OSBPL9: variants seen among roughly 807,000 people sequenced by gnomAD.
OSBPL9 encodes the protein oxysterol binding protein like 9.
Under a neutral mutation model 106.6 loss-of-function variants are expected in OSBPL9, and 40 were observed. The ratio of observed to expected loss-of-function variants is 0.38; its 90% CI spans 0.29 to 0.49. The LOEUF (loss-of-function observed/expected upper bound fraction) is 0.49, where lower values mean the gene tolerates loss of function less well. Among genes scored for constraint, OSBPL9 ranks in the 20% least tolerant of loss-of-function variants. The pLI is 0.97. For missense variants in OSBPL9, 609 were observed against 887.2 expected, an observed-to-expected ratio of 0.69 and a Z score of 3.98; for synonymous variants, 269 against 295.4, an observed-to-expected ratio of 0.91 and a Z score of 0.92.
the OSBPL9 span, among the ~76,000 whole-genome samples, chr1:51,554,206 A>T: frequency 6.6e-6 from 1 of 152,234 alleles, no homozygotes; most frequent in African/African-American, 2.4e-5. Flanking sequence ...AGAGGGAGAG[A>T]GAGAGAGAAA....
intron 2 of OSBPL9, among the ~76,000 whole-genome samples, chr1:51,666,104 T>A (rs1648438327): frequency 6.6e-6 from 1 of 152,128 alleles, no homozygotes. Context: ...CGCCTCGGCC[T>A]CCCAAAGGGC....
intron 18 of OSBPL9, 86 bp downstream of exon 18, chr1:51,784,111 A>G: frequency 7.1e-7 from 1 of 1,415,418 alleles, no homozygotes; most frequent in Non-Finnish European, 9.9e-7. Context: ...TTAGCAACTA[A>G]GCATTGGTAT....
At chr1:51,768,201 A>G (rs1673048674) in intron 12 of OSBPL9, among the ~76,000 whole-genome samples, 1 of 151,674 alleles carries the variant, frequency 6.6e-6, no homozygotes, top group Non-Finnish European at 1.5e-5. Flanking sequence ...TCGGCCTCCC[A>G]AAGTGCTGGG....
At chr1:51,732,013 T>C (rs537145133) in intron 4 of OSBPL9, among the ~76,000 whole-genome samples, 1 of 152,236 alleles carries the variant, frequency 6.6e-6, no homozygotes, top group Non-Finnish European at 1.5e-5. Flanking sequence ...ATATTTTTAA[T>C]GTGAAATTTT....
At chr1:51,710,949 CTT>C (rs2148882181) in intron 3 of OSBPL9, among the ~76,000 whole-genome samples, 1 of 152,020 alleles carries the variant, frequency 6.6e-6, no homozygotes, top group East Asian at 1.9e-4. Context: ...GCCATGCTCT[CTT>C]TTGTCTTCTT....
the OSBPL9 span, among the ~76,000 whole-genome samples, chr1:51,556,918 C>A: frequency 6.7e-6 from 1 of 149,250 alleles, no homozygotes; most frequent in African/African-American, 2.5e-5. Context: ...TGGCTATAGA[C>A]AACAGTAATT....
rs758760414 is a variant in OSBPL9, at chr1:51,602,018, C to CTTTTT, written c.-353+3841_-353+3845dup. 2.5e-3 allele frequency among the ~76,000 whole-genome samples: 188 copies of CTTTTT among 76,372 alleles called. 39 individuals are homozygous for CTTTTT. Among genetic ancestry groups the CTTTTT allele is most frequent in the African/African-American group, 9.8e-3 (188 of 19,180 alleles). 50.1% of individuals were successfully genotyped at this position (76,372 alleles called of 152,430 possible). ...AGTCAATTGTTCCATTCTTGGGGTT[C>CTTTTT]TTTTTTTTTTTTTTTTTTTTGAGAC... On this transcript the variant is annotated intron_variant, in intron 2 of 25. Transcript: ENST00000371714.
At position 51,748,335 on chromosome 1, in the gene OSBPL9, G is replaced by A. The variant is rs12058278; in HGVS notation, c.463-34G>A. 277 of 1,510,502 alleles carry A rather than the reference G, an allele frequency of 1.8e-4. No individual in the cohort carries two copies. In the African/African-American group the frequency reaches 3.4e-3, roughly 19 times the overall value. The allele number at this position is 1,510,502 out of a possible 1,614,324, so 93.6% of individuals were successfully genotyped here. A position where few individuals can be genotyped will look rare whatever the true frequency, so the allele number is the denominator to read the frequency against. On this transcript the variant is annotated intron_variant, in intron 6 of 23. Transcript: ENST00000428468. ...AATAACCGTCCTTCTTTGTGCTTCT[G>A]ATTATTTCTGTTTAAACTTATTATT...
chr1:51,699,896 A>G (rs995992120), intron 3 of OSBPL9, among the ~76,000 whole-genome samples: 9 of 152,188 alleles, frequency 5.9e-5, no homozygotes, highest in African/African-American at 2.2e-4. Flanking sequence ...ATTTATTTCC[A>G]TATGTATTTA....
At chr1:51,740,225 T>C in intron 4 of OSBPL9, 1 of 1,534,138 alleles carries the variant, frequency 6.5e-7, no homozygotes, top group African/African-American at 1.4e-5. Flanking sequence ...AGTGATTGAA[T>C]TGTAAGTATG....
At chr1:51,583,144 G>A (rs577610314) in intron 1 of OSBPL9, among the ~76,000 whole-genome samples, 2 of 152,170 alleles carry the variant, frequency 1.3e-5, no homozygotes, top group Admixed American at 6.5e-5. Flanking sequence ...TAATAATTAT[G>A]TGGGGAAAAT....
chr1:51,723,535 T>C (rs1662531911), intron 4 of OSBPL9, among the ~76,000 whole-genome samples: 1 of 152,110 alleles, frequency 6.6e-6, no homozygotes, highest in African/African-American at 2.4e-5. Context: ...TCTTCTTTCC[T>C]GTTTCCTCTT....
At chr1:51,711,722 C>T (rs1571252399) in intron 3 of OSBPL9, among the ~76,000 whole-genome samples, 1 of 149,458 alleles carries the variant, frequency 6.7e-6, no homozygotes, top group African/African-American at 2.5e-5. Flanking sequence ...AGATGCTCCT[C>T]ACCTCCCAGA....
At chr1:51,762,013 A>AGG (rs1187480701) in intron 11 of OSBPL9, 42 bp downstream of exon 11, 1 of 1,416,790 alleles carries the variant, frequency 7.1e-7, no homozygotes, top group Non-Finnish European at 1.0e-6. Flanking sequence ...TAACTCTATT[A>AGG]ACATTTGAGG....
chr1:51,717,376 G>A (rs777688212), intron 4 of OSBPL9, among the ~76,000 whole-genome samples: 4 of 152,188 alleles, frequency 2.6e-5, no homozygotes, highest in South Asian at 2.1e-4. Flanking sequence ...GTTAAAAAGC[G>A]TTTTCTTTGA....
intron 22 of OSBPL9, 151 bp downstream of exon 22, chr1:51,786,768 T>TA (rs1677744983): frequency 1.5e-5 from 9 of 608,326 alleles, no homozygotes; most frequent in Non-Finnish European, 2.0e-5. Context: ...AACTACCACT[T>TA]ACTACCTTTG....
chr1:51,718,144 T>C (rs1251280246), intron 4 of OSBPL9, among the ~76,000 whole-genome samples: 1 of 152,148 alleles, frequency 6.6e-6, no homozygotes, highest in Non-Finnish European at 1.5e-5. Context: ...TTGTGGGAGC[T>C]AAAAATTAAA....
At chr1:51,765,026 T>C (rs1204615651) in intron 11 of OSBPL9, among the ~76,000 whole-genome samples, 1 of 152,250 alleles carries the variant, frequency 6.6e-6, no homozygotes, top group East Asian at 1.9e-4. Flanking sequence ...AGCCCTTAAA[T>C]GCTCAGTAAG....
At chr1:51,756,231 C>A in intron 8 of OSBPL9, 89 bp from the exon 9 acceptor site, 1 of 1,051,310 alleles carries the variant, frequency 9.5e-7, no homozygotes, top group Non-Finnish European at 1.4e-6. Context: ...TATTACTTAC[C>A]TAGTAAATAA....
Sources: allele counts gnomAD v4.1 joint callset (sites outside exome capture counted in the v4.1 genomes callset), GRCh38; gene constraint gnomAD v4.1.1; transcripts MANE v1.5; gene names NCBI Gene and HGNC (gene_info 2026-07-23, HGNC 2026-07-21).